The following CEP350 variants were observed in gnomAD, a reference collection of about 807,000 sequenced individuals.
The protein encoded by CEP350 is centrosomal protein 350.
CEP350 carries 126 observed loss-of-function variants against 331.8 expected under a neutral mutation model. The observed-to-expected ratio is 0.38, with a 90% CI of 0.33 to 0.44. The LOEUF is 0.44. CEP350 is among the 20% of genes least tolerant of loss of function. The pLI, the probability that CEP350 is intolerant of heterozygous loss-of-function variation, is 1.00. For synonymous variants in CEP350, 1,200 were observed against 1,259.5 expected, an observed-to-expected ratio of 0.95 and a Z score of 1.00; for missense variants, 3,406 against 3,634.6, an observed-to-expected ratio of 0.94 and a Z score of 1.62.
At chr1:180,082,393 A>G (rs1033005608) in intron 30 of CEP350, among the ~76,000 whole-genome samples, 1 of 152,160 alleles carries the variant, frequency 6.6e-6, no homozygotes, top group Non-Finnish European at 1.5e-5. Context: ...CCAAGCTAAT[A>G]TAATCAGTGT....
chr1:180,005,839 A>G (rs1418768312), intron 7 of CEP350, among the ~76,000 whole-genome samples: 1 of 152,104 alleles, frequency 6.6e-6, no homozygotes, highest in East Asian at 1.9e-4. Context: ...CTTTACTTAT[A>G]CTTATTTCCA....
At chr1:180,085,586 A>G (rs941818540) in intron 31 of CEP350, 2 of 152,282 alleles carry the variant, frequency 1.3e-5, no homozygotes, top group Middle Eastern at 3.2e-3. Flanking sequence ...TTGTAGAATC[A>G]GATTGAATCT....
intron 12 of CEP350, among the ~76,000 whole-genome samples, chr1:180,021,577 G>A (rs1244600197): frequency 6.6e-6 from 1 of 152,044 alleles, no homozygotes; most frequent in Non-Finnish European, 1.5e-5. Flanking sequence ...AGAATCGCTT[G>A]AACCTGGTAG....
chr1:180,015,740 A>G (rs760753070), intron 10 of CEP350, 109 bp from the exon 11 acceptor site: 115 of 1,290,104 alleles, frequency 8.9e-5, no homozygotes, highest in Middle Eastern at 1.9e-4. Context: ...AAAAACCACT[A>G]CATTTTATGA....
chr1:180,007,929 A>G (rs978176756), intron 8 of CEP350, among the ~76,000 whole-genome samples: 1 of 151,624 alleles, frequency 6.6e-6, no homozygotes, highest in Non-Finnish European at 1.5e-5. Flanking sequence ...ATAGTTTGAT[A>G]CATTTTCATA....
intron 14 of CEP350, among the ~76,000 whole-genome samples, chr1:180,028,753 A>G (rs1220080040): frequency 6.6e-6 from 1 of 152,120 alleles, no homozygotes; most frequent in Non-Finnish European, 1.5e-5. Context: ...GCAGTGAGCC[A>G]TGATCATGCT....
chr1:180,015,801 A>G, intron 10 of CEP350, 48 bp from the exon 11 acceptor site: 2 of 1,581,974 alleles, frequency 1.3e-6, no homozygotes, highest in Non-Finnish European at 8.6e-7. Context: ...CTACCTGAAT[A>G]TATCTTTGTG....
chr1:180,105,688 A>G (rs1661104244), intron 37 of CEP350, among the ~76,000 whole-genome samples: 1 of 151,972 alleles, frequency 6.6e-6, no homozygotes, highest in African/African-American at 2.4e-5. Context: ...ATATTTATTG[A>G]TTGTGTATGC....
chr1:179,976,034 C>T (rs916128605), intron 1 of CEP350, among the ~76,000 whole-genome samples: 1 of 152,040 alleles, frequency 6.6e-6, no homozygotes, highest in African/African-American at 2.4e-5. Context: ...ATATGTTTTA[C>T]GAATCCCAAG....
At chr1:180,053,728 A>G (rs1252092634) in intron 23 of CEP350, 22 bp from the exon 24 acceptor site, 5 of 1,458,636 alleles carry the variant, frequency 3.4e-6, no homozygotes, top group Non-Finnish European at 4.6e-6. Context: ...ATGATAAACA[A>G]GAAAGAAACC....
At chr1:180,090,621 G>T in intron 32 of CEP350, 93 bp from the exon 33 acceptor site, 4 of 965,226 alleles carry the variant, frequency 4.1e-6, no homozygotes, top group African/African-American at 1.7e-5. Flanking sequence ...CTGTAGAGAA[G>T]AGGAAAGAAG....
chr1:180,025,734 A>G (rs1655630127), intron 14 of CEP350, among the ~76,000 whole-genome samples: 1 of 152,178 alleles, frequency 6.6e-6, no homozygotes, highest in East Asian at 1.9e-4. Flanking sequence ...ATCATCACAC[A>G]CTGGGACCTG....
rs746161005 is a variant in CEP350 at position 180,094,278 on chromosome 1, A to G, written c.8173A>G (p.Arg2725Gly). The change falls in exon 34 of 38, where the codon AGA (arginine) becomes GGA (glycine). Residue 2725 changes from arginine (R) to glycine (G), a missense_variant. By Grantham distance (125) the Arg-to-Gly change is moderately radical. This residue lies in a region of CEP350 where 1,415 missense variants were observed against 1,512.3 expected (regional missense o/e 0.94). Transcript: ENST00000367607. ...TACACCACTTCTGGATCTTTTAACA[A>G]GAGAAAAAAACCAACTGGAAGCCCA... ...LCTPLLDLLT[R>G]EKNQLEAQLK... 6.2e-6 allele frequency: 10 copies of G among 1,613,708 alleles called. No individual in the cohort carries two copies. The highest frequency in any genetic ancestry group is 1.6e-4 in the Middle Eastern group (1 of 6,062).
chr1:180,108,699 G>A (rs1024083062), intron 37 of CEP350, among the ~76,000 whole-genome samples: 2 of 152,110 alleles, frequency 1.3e-5, no homozygotes, highest in Non-Finnish European at 2.9e-5. Flanking sequence ...CAATTCCATG[G>A]TAGGTTGACA....
chr1:180,053,188 G>C, intron 23 of CEP350, 22 bp downstream of exon 23: 1 of 1,415,862 alleles, frequency 7.1e-7, no homozygotes, highest in Admixed American at 2.4e-5. Context: ...TTTATCTGTG[G>C]AGGTAAATGG....
chr1:180,063,174 C>A lies in CEP350; in HGVS notation c.5409+808C>A, dbSNP rs12047070. Among the ~76,000 whole-genome samples the A allele has an allele frequency of 2.5e-3, 311 of 126,180 alleles. 6 individuals carry two copies. The East Asian group carries it at 0.059, about 24-fold the overall frequency. 82.8% of individuals were successfully genotyped at this position (126,180 alleles called of 152,430 possible). ...ATTCAAAGGAGATATTAGACAAAAA[C>A]AAAATTTGAAACTTTTTTTTTTTTT... On this transcript the variant is annotated intron_variant, in intron 26 of 37. Coordinates refer to ENST00000367607, the MANE Select transcript of CEP350 (RefSeq NM_014810.5).
chr1:180,072,649 CGTGT>C (rs1558141335), intron 27 of CEP350, among the ~76,000 whole-genome samples: 1 of 151,864 alleles, frequency 6.6e-6, no homozygotes, highest in Non-Finnish European at 1.5e-5. Context: ...TGTGTTTTTG[CGTGT>C]GTGTATGTGT....
chr1:180,001,826 A>T (rs1653885229), intron 6 of CEP350, among the ~76,000 whole-genome samples: 1 of 152,212 alleles, frequency 6.6e-6, no homozygotes, highest in African/African-American at 2.4e-5. Context: ...AGGGTAGTTC[A>T]TCTCTTTGAA....
rs758688211 is a variant in CEP350 at position 180,092,717 on chromosome 1, C to T, written c.6612C>T (p.Thr2204=). The change falls in exon 34 of 38, where the codon ACC becomes ACT. Residue 2204 remains threonine, a synonymous_variant. Transcript: ENST00000367607. The stretch of plus-strand genomic sequence containing the variant: ...ACAGTCGAACAGAAGATTTTCAGAC[C>T]CCATCTCCAGTTCTCAGATCATCAA... The part of the protein sequence containing the change: ...EWDSRTEDFQ[T]PSPVLRSSRK... The T allele has an allele frequency of 6.2e-7, 1 of 1,610,858 alleles. No individual in the cohort carries two copies. The highest frequency in any genetic ancestry group is 1.1e-5 in the South Asian group (1 of 90,504).
Sources: allele counts gnomAD v4.1 joint callset (sites outside exome capture counted in the v4.1 genomes callset), GRCh38; gene constraint gnomAD v4.1.1; regional missense constraint gnomAD v4.1.1; transcripts MANE v1.5; gene names NCBI Gene and HGNC (gene_info 2026-07-23, HGNC 2026-07-21).